EHBP1: variants seen among roughly 807,000 people sequenced by gnomAD.
EHBP1 encodes EH domain binding protein 1.
Under a neutral mutation model 144.0 loss-of-function variants are expected in EHBP1, and 55 were observed. The observed-to-expected ratio is 0.38, with a 90% confidence interval of 0.31 to 0.48. EHBP1 has a LOEUF of 0.48. Ranked by LOEUF, EHBP1 falls within the 20% of genes least tolerant of loss-of-function variation. The pLI is 0.98. For missense variants in EHBP1, 1,200 were observed against 1,364.2 expected, an observed-to-expected ratio of 0.88 and a Z score of 1.90; for synonymous variants, 469 against 472.7, an observed-to-expected ratio of 0.99 and a Z score of 0.10.
At chr2:62,919,623 A>G (rs1347534809) in intron 10 of EHBP1, among the ~76,000 whole-genome samples, 3 of 152,214 alleles carry the variant, frequency 2.0e-5, no homozygotes, top group African/African-American at 7.2e-5. Context: ...GTCATAAAGC[A>G]TACAAACAAA....
rs543949992 is a variant in EHBP1 at position 62,842,489 on chromosome 2, A to G, written c.634+11331A>G. Reference sequence around the variant, plus strand: ...ACCTCCTAATACCCTCACCTTAGGGATTAAGTTCCAACATAGGAATTTTGG... The same window carrying G: ...ACCTCCTAATACCCTCACCTTAGGGGTTAAGTTCCAACATAGGAATTTTGG... On this transcript the variant is annotated intron_variant, in intron 7 of 22. Transcript: ENST00000431489. 2.6e-5 allele frequency among the ~76,000 whole-genome samples: 4 copies of G among 152,286 alleles called. No homozygotes were observed. In the East Asian group the frequency reaches 7.7e-4, roughly 29 times the overall value.
chr2:62,924,401 A>C (rs2055332572), intron 10 of EHBP1, among the ~76,000 whole-genome samples: 1 of 152,258 alleles, frequency 6.6e-6, no homozygotes, highest in South Asian at 2.1e-4. Flanking sequence ...AGACTGAAAA[A>C]ATACAGAAGT....
chr2:62,953,109 C>A (rs909156185), intron 13 of EHBP1, among the ~76,000 whole-genome samples: 2 of 147,644 alleles, frequency 1.4e-5, no homozygotes, highest in African/African-American at 5.0e-5. Context: ...CCCAGCTACT[C>A]GGGAGGCTGA....
At chr2:62,982,664 T>A (rs1212114566) in intron 15 of EHBP1, among the ~76,000 whole-genome samples, 1 of 152,010 alleles carries the variant, frequency 6.6e-6, no homozygotes, top group East Asian at 1.9e-4. Flanking sequence ...GGTAGGAAGA[T>A]TTTCGAAGCA....
intron 5 of EHBP1, among the ~76,000 whole-genome samples, chr2:62,773,169 CAAAG>C (rs1474116178): frequency 6.6e-6 from 1 of 152,062 alleles, no homozygotes; most frequent in Non-Finnish European, 1.5e-5. Flanking sequence ...ACAAACAAAA[CAAAG>C]GAAGTGCTAT....
chr2:62,805,378 A>C (rs1415059270), intron 5 of EHBP1, among the ~76,000 whole-genome samples: 2 of 152,096 alleles, frequency 1.3e-5, no homozygotes, highest in Non-Finnish European at 2.9e-5. Context: ...TTAAAAATAA[A>C]TACAAATAAA....
rs759757917 is a variant in EHBP1, at chr2:62,948,518, C to G, written c.1672C>G (p.Arg558Gly). Residue 558 changes from arginine to glycine, a missense_variant, in exon 13 of 23, where the codon CGG becomes GGG. Around this residue, in one of 6 missense-constraint regions of EHBP1, gnomAD observed 543 missense variants for 513.1 expected, o/e 1.06. Coordinates refer to ENST00000431489, the MANE Select transcript of EHBP1 (RefSeq NM_001142616.3). ...KFYAELSDLKREPELQQPISG... is the reference protein window; with the variant it reads ...KFYAELSDLKGEPELQQPISG... ...CTATGCAGAGCTTAGTGATCTGAAG[C>G]GGGAGCCTGAACTACAACAGCCTAT... 2.5e-6 allele frequency: 4 copies of G among 1,614,036 alleles called. No individual in the cohort carries two copies. The Admixed American group carries it at 6.7e-5, about 27-fold the overall frequency.
At chr2:63,023,269 G>A (rs943095795) in intron 19 of EHBP1, among the ~76,000 whole-genome samples, 22 of 152,050 alleles carry the variant, frequency 1.4e-4, no homozygotes, top group Non-Finnish European at 2.1e-4. Flanking sequence ...TTCTTTAACC[G>A]TTTTTTGTTT....
Position 62,948,603 on chromosome 2 carries a change from T to C in EHBP1, c.1757T>C (p.Val586Ala), listed in dbSNP as rs1240945757. The change falls in exon 13 of 23, where the codon GTT (valine) becomes GCT (alanine). Residue 586 changes from valine (V) to alanine (A), a missense_variant. Val to Ala is a moderately conservative substitution (Grantham distance 64). Around this residue, in one of 6 missense-constraint regions of EHBP1, gnomAD observed 543 missense variants for 513.1 expected, o/e 1.06. Coordinates refer to ENST00000431489, the MANE Select transcript of EHBP1 (RefSeq NM_001142616.3). The stretch of plus-strand genomic sequence containing the variant: ...TCTGTATTTGTAAATGATAGCGGGG[T>C]TGGAGAGTCAGAAAGTGAGCATCAA... ...DDSVFVNDSG[V>A]GESESEHQTP... The C allele has an allele frequency of 9.3e-6, 15 of 1,613,904 alleles. No homozygotes were observed. The highest frequency in any genetic ancestry group is 1.1e-5 in the Non-Finnish European group (13 of 1,179,958).
At chr2:62,970,129 AAC>A (rs2058430609) in intron 14 of EHBP1, among the ~76,000 whole-genome samples, 1 of 151,186 alleles carries the variant, frequency 6.6e-6, no homozygotes, top group African/African-American at 2.4e-5. Flanking sequence ...AATGCCTAAT[AAC>A]AGAGTCTTGC....
chr2:63,007,652 T>C (rs2060098670), intron 19 of EHBP1, among the ~76,000 whole-genome samples: 1 of 151,784 alleles, frequency 6.6e-6, no homozygotes, highest in African/African-American at 2.4e-5. Context: ...GTATATCGCA[T>C]TGTGCCTAAG....
At chr2:63,019,102 T>A (rs2060596260) in intron 19 of EHBP1, among the ~76,000 whole-genome samples, 1 of 152,180 alleles carries the variant, frequency 6.6e-6, no homozygotes, top group South Asian at 2.1e-4. Flanking sequence ...ATTCTCAAAC[T>A]TTTATATCCA....
At chr2:62,758,502 A>G (rs1411676211) in intron 3 of EHBP1, among the ~76,000 whole-genome samples, 3 of 152,204 alleles carry the variant, frequency 2.0e-5, no homozygotes, top group African/African-American at 4.8e-5. Flanking sequence ...GGCTTTTATA[A>G]CAAAGATTTT....
At chr2:62,884,043 G>A (rs1017543609) in intron 10 of EHBP1, among the ~76,000 whole-genome samples, 3 of 152,118 alleles carry the variant, frequency 2.0e-5, no homozygotes, top group Non-Finnish European at 4.4e-5. Context: ...AGAATATAGT[G>A]TGTATTAAAA....
At position 62,903,940 on chromosome 2, in the gene EHBP1, C is replaced by T. The variant is rs186277806; in HGVS notation, c.1185+29408C>T. Among the ~76,000 whole-genome samples the T allele has an allele frequency of 6.6e-4, 100 of 152,218 alleles. 2 individuals are homozygous for T. Among genetic ancestry groups the T allele is most frequent in the Non-Finnish European group, 2.9e-5 (2 of 68,022 alleles). On this transcript the variant is annotated intron_variant, in intron 10 of 22. Transcript: ENST00000431489. ...TGATTTTGCAGTGATCATTTAAAAC[C>T]TGAGTACATATCTTACTTCCACCAC...
intron 2 of EHBP1, among the ~76,000 whole-genome samples, chr2:62,721,685 G>C (rs2036236469): frequency 6.6e-6 from 1 of 152,092 alleles, no homozygotes; most frequent in Non-Finnish European, 1.5e-5. Flanking sequence ...ATAATTTTCT[G>C]TTTCCTTTAT....
chr2:62,854,153 TCA>T (rs1481930477), intron 7 of EHBP1, among the ~76,000 whole-genome samples: 7 of 152,204 alleles, frequency 4.6e-5, no homozygotes, highest in African/African-American at 1.7e-4. Context: ...CTCACCTCTC[TCA>T]GCCTTCACAG....
At chr2:63,040,670 C>T (rs1036433428) in intron 21 of EHBP1, among the ~76,000 whole-genome samples, 7 of 152,262 alleles carry the variant, frequency 4.6e-5, no homozygotes, top group Admixed American at 1.3e-4. Context: ...TTAAATCTCT[C>T]GGCCAGTTTC....
chr2:62,682,646 A>G (rs930267591), intron 1 of EHBP1, among the ~76,000 whole-genome samples: 3 of 152,222 alleles, frequency 2.0e-5, no homozygotes, highest in Non-Finnish European at 2.9e-5. Flanking sequence ...TAAGAACCTG[A>G]CAGACAGATG....
Sources: gnomAD v4.1 joint callset for allele counts (sites outside exome capture counted in the v4.1 genomes callset) on GRCh38, gnomAD v4.1.1 for gene constraint, gnomAD v4.1.1 regional missense constraint, MANE v1.5 for transcripts, NCBI Gene and HGNC (gene_info 2026-07-23, HGNC 2026-07-21) for gene names.